The following CTNNA3 variants were observed in gnomAD, a reference collection of about 807,000 sequenced individuals.
CTNNA3 encodes the protein catenin alpha 3, also known as catenin alpha-3.
Under a neutral mutation model 95.7 loss-of-function variants are expected in CTNNA3, and 76 were observed. The observed-to-expected ratio is 0.79, with a 90% CI of 0.66 to 0.96. The LOEUF is 0.96. Ranked by LOEUF, CTNNA3 falls within the 40% of genes least tolerant of loss-of-function variation. CTNNA3 has a pLI of 0.00. For missense variants in CTNNA3, 1,191 were observed against 1,089.8 expected (o/e 1.09, Z -1.31); for synonymous variants, 431 against 374.4 (o/e 1.15, Z -1.74).
intron 7 of CTNNA3, among the ~76,000 whole-genome samples, chr10:67,019,064 G>A (rs567629133): frequency 6.6e-6 from 1 of 152,252 alleles, no homozygotes; most frequent in East Asian, 1.9e-4. Flanking sequence ...TACAGTGCCT[G>A]CACTTACTAA....
At chr10:67,126,304 G>A (rs1462603546) in intron 7 of CTNNA3, among the ~76,000 whole-genome samples, 1 of 152,178 alleles carries the variant, frequency 6.6e-6, no homozygotes, top group Non-Finnish European at 1.5e-5. Flanking sequence ...CAAGGTGGGT[G>A]GATCATGAGG....
chr10:66,862,967 C>G (rs974411366), intron 7 of CTNNA3, among the ~76,000 whole-genome samples: 1 of 152,092 alleles, frequency 6.6e-6, no homozygotes. Context: ...GAGACAGTAG[C>G]TTTCTCCTGC....
At chr10:67,470,089 C>A (rs1299445170) in intron 5 of CTNNA3, among the ~76,000 whole-genome samples, 2 of 152,178 alleles carry the variant, frequency 1.3e-5, no homozygotes, top group African/African-American at 4.8e-5. Flanking sequence ...ACCTCCCCTG[C>A]CACCCTCCTA....
intron 7 of CTNNA3, among the ~76,000 whole-genome samples, chr10:66,991,701 A>C (rs1851048109): frequency 6.6e-6 from 1 of 152,106 alleles, no homozygotes; most frequent in Admixed American, 6.6e-5. Context: ...AGAGGCATGC[A>C]CCAGAAAACA....
intron 9 of CTNNA3, among the ~76,000 whole-genome samples, chr10:66,685,047 T>C (rs999424129): frequency 8.6e-5 from 13 of 150,928 alleles, no homozygotes; most frequent in Non-Finnish European, 1.5e-4. Flanking sequence ...AATTATTGCA[T>C]TTGCTACATA....
intron 17 of CTNNA3, among the ~76,000 whole-genome samples, chr10:65,938,449 T>TA (rs1426068823): frequency 6.6e-6 from 1 of 152,170 alleles, no homozygotes; most frequent in East Asian, 1.9e-4. Flanking sequence ...TTGTCACATC[T>TA]ATAACCTTGA....
intron 9 of CTNNA3, among the ~76,000 whole-genome samples, chr10:66,720,669 C>A (rs1455045347): frequency 6.6e-6 from 1 of 151,966 alleles, no homozygotes; most frequent in African/African-American, 2.4e-5. Context: ...CCCATCTCTA[C>A]TAAAAATACA....
At chr10:66,661,395 A>G (rs1170249668) in intron 9 of CTNNA3, among the ~76,000 whole-genome samples, 1 of 152,178 alleles carries the variant, frequency 6.6e-6, no homozygotes, top group African/African-American at 2.4e-5. Flanking sequence ...AGCATGGGAA[A>G]GACCGCCCCC....
At chr10:67,298,355 G>A (rs116108252) in intron 5 of CTNNA3, among the ~76,000 whole-genome samples, 78 of 152,294 alleles carry the variant, frequency 5.1e-4, no homozygotes, top group African/African-American at 1.6e-3. Flanking sequence ...GATGGTGGAT[G>A]GGGTTCAAGG....
chr10:67,742,456 G>C (rs1382421551), intron 1 of CTNNA3, among the ~76,000 whole-genome samples: 7 of 151,048 alleles, frequency 4.6e-5, no homozygotes. Flanking sequence ...AAACCAACGA[G>C]AACAAAGACA....
At chr10:66,115,267 T>G (rs575650866) in intron 13 of CTNNA3, among the ~76,000 whole-genome samples, 9 of 152,286 alleles carry the variant, frequency 5.9e-5, no homozygotes, top group African/African-American at 2.2e-4. Context: ...TATGTCTTTA[T>G]TATCAGAGCA....
chr10:66,284,139 C>T (rs972437711), intron 12 of CTNNA3, among the ~76,000 whole-genome samples: 1 of 151,860 alleles, frequency 6.6e-6, no homozygotes, highest in Non-Finnish European at 1.5e-5. Flanking sequence ...AGTATCTTGT[C>T]TATTTTACAC....
chr10:67,255,853 G>A (rs1020759943), intron 5 of CTNNA3, among the ~76,000 whole-genome samples: 11 of 151,994 alleles, frequency 7.2e-5, no homozygotes, highest in African/African-American at 2.7e-4. Flanking sequence ...AGAAAACAAT[G>A]GCTTATTTAA....
chr10:67,072,128 A>T (rs1856500629), intron 7 of CTNNA3, among the ~76,000 whole-genome samples: 1 of 151,962 alleles, frequency 6.6e-6, no homozygotes, highest in Non-Finnish European at 1.5e-5. Context: ...AATTTTTTGT[A>T]TTTTTAGTAG....
At chr10:66,770,894 C>T (rs1322264416) in intron 8 of CTNNA3, among the ~76,000 whole-genome samples, 2 of 151,676 alleles carry the variant, frequency 1.3e-5, no homozygotes, top group African/African-American at 4.8e-5. Flanking sequence ...AATTAAAAGC[C>T]ATTTTAATTT....
chr10:67,389,891 T>C (rs1018692578), intron 5 of CTNNA3, among the ~76,000 whole-genome samples: 3 of 151,314 alleles, frequency 2.0e-5, no homozygotes, highest in Admixed American at 1.3e-4. Context: ...CCAGAATCTC[T>C]GGGACACATT....
At chr10:67,676,614 A>T (rs1414664837) in intron 1 of CTNNA3, among the ~76,000 whole-genome samples, 1 of 152,142 alleles carries the variant, frequency 6.6e-6, no homozygotes, top group African/African-American at 2.4e-5. Context: ...GTGGATTAGA[A>T]TACAAGTGGG....
At chr10:66,168,924 T>G (rs2085278283) in intron 13 of CTNNA3, among the ~76,000 whole-genome samples, 1 of 152,218 alleles carries the variant, frequency 6.6e-6, no homozygotes, top group Admixed American at 6.5e-5. Flanking sequence ...CTTCCCTCAC[T>G]AGAGATTATA....
chr10:67,093,501 G>A (rs1317548311), intron 7 of CTNNA3, among the ~76,000 whole-genome samples: 3 of 151,898 alleles, frequency 2.0e-5, no homozygotes, highest in Non-Finnish European at 4.4e-5. Flanking sequence ...GTCACTTGAT[G>A]GTTATGTGAA....
Sources: allele counts gnomAD v4.1 joint callset (sites outside exome capture counted in the v4.1 genomes callset), GRCh38; gene constraint gnomAD v4.1.1; transcripts MANE v1.5; gene names NCBI Gene and HGNC (gene_info 2026-07-23, HGNC 2026-07-21).